The following CMIP variants were observed in gnomAD, a reference collection of about 807,000 sequenced individuals.
The protein encoded by CMIP is c-Maf inducing protein.
Under a neutral mutation model 97.3 loss-of-function variants are expected in CMIP, and 13 were observed. The ratio of observed to expected loss-of-function variants is 0.13; its 90% CI spans 0.09 to 0.21. The LOEUF is 0.21. CMIP is among the 10% of genes least tolerant of loss of function. The pLI, the probability that CMIP is intolerant of heterozygous loss-of-function variation, is 1.00. For missense variants in CMIP, 847 were observed against 1,024.9 expected (o/e 0.83, Z 2.37); for synonymous variants, 538 against 436.3 (o/e 1.23, Z -2.91).
chr16:81,574,255 C>T lies in CMIP; in HGVS notation c.301-33312C>T, dbSNP rs112260738. On this transcript the variant is annotated intron_variant, in intron 1 of 20. Transcript: ENST00000537098. ...CTTCCCTCACCTGCAGGCTGTGAATCTGATAACCCCACGGCCCCCTCCTCC... is the reference window on the plus strand; with the variant it reads ...CTTCCCTCACCTGCAGGCTGTGAATTTGATAACCCCACGGCCCCCTCCTCC... Among the ~76,000 whole-genome samples the T allele has an allele frequency of 1.6e-3, 237 of 152,346 alleles. 4 individuals are homozygous for T. Among genetic ancestry groups the T allele is most frequent in the African/African-American group, 5.4e-3 (224 of 41,580 alleles).
chr16:81,528,781 G>C (rs1393106850), intron 1 of CMIP, among the ~76,000 whole-genome samples: 1 of 152,142 alleles, frequency 6.6e-6, no homozygotes, highest in East Asian at 1.9e-4. Context: ...ATAGAGCATG[G>C]TCCTAATTCA....
chr16:81,550,029 A>G (rs750586058), intron 1 of CMIP, among the ~76,000 whole-genome samples: 2 of 152,224 alleles, frequency 1.3e-5, no homozygotes, highest in Non-Finnish European at 1.5e-5. Context: ...ATGTGTGCAC[A>G]TCTACATGTG....
chr16:81,631,940 AACTGGC>A (rs2092166810), intron 3 of CMIP: 2 of 152,248 alleles, frequency 1.3e-5, no homozygotes, highest in African/African-American at 4.8e-5. Flanking sequence ...AGCATTTAAA[AACTGGC>A]ACTTACGAAG....
At chr16:81,563,526 G>T (rs144233530) in intron 1 of CMIP, among the ~76,000 whole-genome samples, 11 of 152,296 alleles carry the variant, frequency 7.2e-5, no homozygotes, top group African/African-American at 2.6e-4. Context: ...ACACTGACAC[G>T]TACCGCATTA....
intron 1 of CMIP, among the ~76,000 whole-genome samples, chr16:81,448,659 C>G (rs1032823305): frequency 6.6e-6 from 1 of 152,264 alleles, no homozygotes; most frequent in Non-Finnish European, 1.5e-5. Context: ...AACAGCGTGC[C>G]TAATGTGGCT....
chr16:81,637,442 T>C (rs1188646970), intron 3 of CMIP, among the ~76,000 whole-genome samples: 2 of 152,326 alleles, frequency 1.3e-5, no homozygotes, highest in East Asian at 1.9e-4. Flanking sequence ...ATAGGTGTCA[T>C]TTATCAAGCC....
intron 1 of CMIP, among the ~76,000 whole-genome samples, chr16:81,574,393 GT>G (rs1274043661): frequency 2.0e-5 from 3 of 152,248 alleles, no homozygotes; most frequent in Non-Finnish European, 4.4e-5. Flanking sequence ...CATGGCAGGG[GT>G]GCCAGGCTTG....
intron 3 of CMIP, among the ~76,000 whole-genome samples, chr16:81,646,374 G>T (rs1235015837): frequency 6.6e-6 from 1 of 152,122 alleles, no homozygotes; most frequent in Non-Finnish European, 1.5e-5. Context: ...GCTTAGATTT[G>T]ATCTGGAGTC....
At chr16:81,515,091 T>TGGCAGGAGTGCCCTGTCCC (rs2089886941) in intron 1 of CMIP, among the ~76,000 whole-genome samples, 1 of 152,272 alleles carries the variant, frequency 6.6e-6, no homozygotes, top group Non-Finnish European at 1.5e-5. Flanking sequence ...TGGCCTGTCC[T>TGGCAGGAGTGCCCTGTCCC]GGCAGGAGTG....
chr16:81,666,467 C>T (rs2092604513), intron 7 of CMIP: 1 of 152,120 alleles, frequency 6.6e-6, no homozygotes, highest in East Asian at 1.9e-4. Context: ...CATACAACGC[C>T]TTTCTTGTAT....
intron 1 of CMIP, among the ~76,000 whole-genome samples, chr16:81,493,753 G>A (rs1439468270): frequency 6.6e-6 from 1 of 152,232 alleles, no homozygotes; most frequent in Non-Finnish European, 1.5e-5. Flanking sequence ...CAACACGCAC[G>A]TCGCAGAACC....
At position 81,544,297 on chromosome 16, in the gene CMIP, G is replaced by T. The variant is rs544330614; in HGVS notation, c.301-63270G>T. ...TCTCAAATGAGACCGAGGCTGGAGGGTCATGCAAGTGAAAAATACTCAATT... is the reference window on the plus strand; with the variant it reads ...TCTCAAATGAGACCGAGGCTGGAGGTTCATGCAAGTGAAAAATACTCAATT... On this transcript the variant is annotated intron_variant, in intron 1 of 20. Transcript: ENST00000537098. Among the ~76,000 whole-genome samples the T allele has an allele frequency of 3.9e-5, 6 of 152,358 alleles. No individual in the cohort carries two copies. In the South Asian group the frequency reaches 1.0e-3, roughly 26 times the overall value.
Position 81,629,134 on chromosome 16 carries a change from TAAAAAAAAAAAAA to T in CMIP, c.477+8228_477+8240del, listed in dbSNP as rs10533097. ...CTGGGTGACAGAGTGAAACTGTGCT[TAAAAAAAAAAAAA>T]AAAAAAAAAAAAAAAAAAAGATAAT... On this transcript the variant is annotated intron_variant, in intron 3 of 20. Transcript: ENST00000537098. 4.7e-3 allele frequency among the ~76,000 whole-genome samples: 215 copies of T among 45,700 alleles called. 4 individuals are homozygous for T. The highest frequency in any genetic ancestry group is 0.05 in the Middle Eastern group (2 of 40). 30.0% of individuals were successfully genotyped at this position (45,700 alleles called of 152,430 possible).
At chr16:81,549,899 T>A (rs1204540621) in intron 1 of CMIP, among the ~76,000 whole-genome samples, 1 of 152,250 alleles carries the variant, frequency 6.6e-6, no homozygotes, top group Non-Finnish European at 1.5e-5. Context: ...TGAATGTGTG[T>A]GTGCAGTGTG....
intron 12 of CMIP, 101 bp from the exon 13 acceptor site, chr16:81,693,338 C>A: frequency 6.6e-7 from 1 of 1,504,396 alleles, no homozygotes. Context: ...CCTTGCCCAG[C>A]TCCCTGGCCC....
chr16:81,507,120 G>T (rs1170157733), intron 1 of CMIP, among the ~76,000 whole-genome samples: 1 of 152,064 alleles, frequency 6.6e-6, no homozygotes, highest in Non-Finnish European at 1.5e-5. Flanking sequence ...GCTGGGCGTG[G>T]TGGCGGGCGC....
At chr16:81,530,228 GCTCCAGC>G (rs1187445673) in intron 1 of CMIP, among the ~76,000 whole-genome samples, 3 of 152,184 alleles carry the variant, frequency 2.0e-5, no homozygotes, top group Non-Finnish European at 2.9e-5. Context: ...GTCTTATGAG[GCTCCAGC>G]CTTCTTACTA....
chr16:81,678,833 T>G (rs895713588), intron 10 of CMIP, among the ~76,000 whole-genome samples: 28 of 152,368 alleles, frequency 1.8e-4, no homozygotes, highest in African/African-American at 6.7e-4. Context: ...AGGGTGCATA[T>G]GTACAAGTGG....
chr16:81,553,635 C>T (rs911834517), intron 1 of CMIP, among the ~76,000 whole-genome samples: 4 of 152,188 alleles, frequency 2.6e-5, no homozygotes, highest in African/African-American at 9.6e-5. Flanking sequence ...CTAAACACAG[C>T]CTGGAGAGGA....
Sources: gnomAD v4.1 joint callset for allele counts (sites outside exome capture counted in the v4.1 genomes callset) on GRCh38, gnomAD v4.1.1 for gene constraint, MANE v1.5 for transcripts, NCBI Gene and HGNC (gene_info 2026-07-23, HGNC 2026-07-21) for gene names.